The following NSMCE2 variants were observed in gnomAD, a reference collection of about 807,000 sequenced individuals.
The protein encoded by NSMCE2 is NSE2 SUMO ligase component of SMC5/6 complex, also known as E3 SUMO-protein ligase NSE2.
Under a neutral mutation model 23.8 loss-of-function variants are expected in NSMCE2, and 24 were observed. The ratio of observed to expected loss-of-function variants is 1.01; its 90% CI spans 0.73 to 1.42. The LOEUF (loss-of-function observed/expected upper bound fraction) is 1.42, where lower values mean the gene tolerates loss of function less well. Among genes scored for constraint, NSMCE2 ranks in the 40% most tolerant of loss-of-function variants. NSMCE2 has a pLI of 0.00. For synonymous variants in NSMCE2, 92 were observed against 94.1 expected (o/e 0.98, Z 0.13); for missense variants, 284 against 296.5 (o/e 0.96, Z 0.31).
At position 125,158,791 on chromosome 8, in the gene NSMCE2, T is replaced by G. The variant is rs542905388; in HGVS notation, c.264+7514T>G. 4.6e-3 allele frequency among the ~76,000 whole-genome samples: 694 copies of G among 152,330 alleles called. 3 individuals are homozygous for G. The highest frequency in any genetic ancestry group is 8.0e-3 in the Non-Finnish European group (546 of 68,026). ...TAGGCCTTTCCCCACTAATTGGCAG[T>G]GGTGCTGAATGGGCTAACTGCAGAA... On this transcript the variant is annotated intron_variant, in intron 4 of 7. Transcript: ENST00000287437.
intron 4 of NSMCE2, among the ~76,000 whole-genome samples, chr8:125,181,090 C>T (rs1025936715): frequency 6.6e-6 from 1 of 152,032 alleles, no homozygotes; most frequent in Admixed American, 6.5e-5. Context: ...TGAAAGGGAG[C>T]GATTATGAAG....
rs796932111 is a variant in NSMCE2 at position 125,288,792 on chromosome 8, AATTT to A, written c.419-68418_419-68415del. ...TCTTTTCCCCAGTCTTTATTTTTTA[AATTT>A]ATTTATTTTTATTTTTTGAGACAGG... On this transcript the variant is annotated intron_variant, in intron 5 of 7. Transcript: ENST00000287437. 1.3e-4 allele frequency among the ~76,000 whole-genome samples: 20 copies of A among 151,254 alleles called. No individual in the cohort carries two copies. In the East Asian group the frequency reaches 3.7e-3, roughly 28 times the overall value.
chr8:125,359,842 G>A (rs1813450886), intron 7 of NSMCE2, among the ~76,000 whole-genome samples: 1 of 152,030 alleles, frequency 6.6e-6, no homozygotes, highest in Non-Finnish European at 1.5e-5. Flanking sequence ...TGCTCTATAG[G>A]CATGGGAGAC....
chr8:125,223,894 A>C (rs1824982874), intron 5 of NSMCE2, among the ~76,000 whole-genome samples: 1 of 144,408 alleles, frequency 6.9e-6, no homozygotes, highest in Non-Finnish European at 1.5e-5. Flanking sequence ...TCCACTATGC[A>C]GCCTTGATGC....
At chr8:125,285,933 G>T (rs1360656783) in intron 5 of NSMCE2, among the ~76,000 whole-genome samples, 2 of 151,962 alleles carry the variant, frequency 1.3e-5, no homozygotes, top group African/African-American at 4.8e-5. Context: ...TTGAATTCAG[G>T]TTTGACCTGA....
chr8:125,204,516 T>C lies in NSMCE2; in HGVS notation c.418+22260T>C, dbSNP rs1235041497. Among the ~76,000 whole-genome samples, 6 of 152,238 alleles carry C rather than the reference T, an allele frequency of 3.9e-5. No homozygotes were observed. In the East Asian group the frequency reaches 1.2e-3, roughly 29 times the overall value. ...TAACAACCTCCATCTTTCCTTTATA[T>C]GGAAGCATTAATTTTTCCCCGTACA... On this transcript the variant is annotated intron_variant, in intron 5 of 7. Coordinates refer to ENST00000287437, the MANE Select transcript of NSMCE2 (RefSeq NM_173685.4).
intron 3 of NSMCE2, among the ~76,000 whole-genome samples, chr8:125,120,221 T>C (rs903232442): frequency 6.6e-6 from 1 of 152,156 alleles, no homozygotes; most frequent in Non-Finnish European, 1.5e-5. Context: ...AGCACAGATA[T>C]AGGTTATTTC....
chr8:125,292,242 G>A (rs1218527837), intron 5 of NSMCE2, among the ~76,000 whole-genome samples: 1 of 151,666 alleles, frequency 6.6e-6, no homozygotes, highest in Non-Finnish European at 1.5e-5. Context: ...AGGAGAAGAA[G>A]AAGAAAAAAG....
intron 5 of NSMCE2, among the ~76,000 whole-genome samples, chr8:125,307,400 G>T (rs532386044): frequency 6.6e-6 from 1 of 152,232 alleles, no homozygotes; most frequent in Non-Finnish European, 1.5e-5. Context: ...TGTGTTGTCA[G>T]ATCAGAAAGG....
Position 125,146,748 on chromosome 8 carries a change from A to G in NSMCE2, c.158-4423A>G, listed in dbSNP as rs111805361. 6.4e-4 allele frequency among the ~76,000 whole-genome samples: 98 copies of G among 152,044 alleles called. 1 individual carries two copies. The highest frequency in any genetic ancestry group is 2.3e-3 in the African/African-American group (94 of 41,384). ...ACGTCACACACTGGGGCCTGTTGTG[A>G]GGTGGGGAGAGTGGGGAAGGATAGC... On this transcript the variant is annotated intron_variant, in intron 3 of 7. Transcript: ENST00000287437.
intron 3 of NSMCE2, among the ~76,000 whole-genome samples, chr8:125,108,447 A>T (rs1477021987): frequency 6.6e-6 from 1 of 152,260 alleles, no homozygotes; most frequent in Non-Finnish European, 1.5e-5. Context: ...ACTTAAGTGC[A>T]CGCTTGCTAT....
intron 5 of NSMCE2, among the ~76,000 whole-genome samples, chr8:125,347,204 A>G (rs1038938612): frequency 3.9e-5 from 6 of 152,232 alleles, no homozygotes; most frequent in African/African-American, 1.4e-4. Flanking sequence ...ACAAAGAAAG[A>G]TGGAGTAATT....
chr8:125,240,673 TA>T (rs1192004567), intron 5 of NSMCE2, among the ~76,000 whole-genome samples: 1 of 152,206 alleles, frequency 6.6e-6, no homozygotes, highest in Non-Finnish European at 1.5e-5. Context: ...TAGCATTAAG[TA>T]AATCCCTGCA....
At chr8:125,271,546 C>G (rs1228651449) in intron 5 of NSMCE2, among the ~76,000 whole-genome samples, 1 of 152,130 alleles carries the variant, frequency 6.6e-6, no homozygotes, top group African/African-American at 2.4e-5. Context: ...ATTACAATAG[C>G]TGAGTCATCA....
At chr8:125,099,731 G>T (rs778854706) in intron 1 of NSMCE2, among the ~76,000 whole-genome samples, 11 of 152,116 alleles carry the variant, frequency 7.2e-5, no homozygotes, top group South Asian at 2.1e-4. Context: ...GAACCCTAGT[G>T]GGGGTGGGTT....
chr8:125,303,530 G>A (rs1828642772), intron 5 of NSMCE2, among the ~76,000 whole-genome samples: 1 of 152,150 alleles, frequency 6.6e-6, no homozygotes, highest in African/African-American at 2.4e-5. Flanking sequence ...TTTGTGCGAA[G>A]TATAATACTG....
At chr8:125,347,873 T>C (rs746495437) in intron 5 of NSMCE2, among the ~76,000 whole-genome samples, 2 of 152,206 alleles carry the variant, frequency 1.3e-5, no homozygotes, top group African/African-American at 2.4e-5. Flanking sequence ...AGGAAGAACA[T>C]TGATCAGAAT....
At chr8:125,174,721 T>G (rs567501246) in intron 4 of NSMCE2, among the ~76,000 whole-genome samples, 22 of 152,354 alleles carry the variant, frequency 1.4e-4, no homozygotes, top group Admixed American at 3.3e-4. Context: ...GTTTCCATGT[T>G]TGGTTGGCTG....
chr8:125,344,517 G>A (rs1830364776), intron 5 of NSMCE2, among the ~76,000 whole-genome samples: 2 of 152,160 alleles, frequency 1.3e-5, no homozygotes. Context: ...GCCGAGGTGG[G>A]CAATCACCTG....
Sources: allele counts gnomAD v4.1 joint callset (sites outside exome capture counted in the v4.1 genomes callset), GRCh38; gene constraint gnomAD v4.1.1; transcripts MANE v1.5; gene names NCBI Gene and HGNC (gene_info 2026-07-23, HGNC 2026-07-21).